The following SLC43A2 variants were observed in gnomAD, a reference collection of about 807,000 sequenced individuals.
SLC43A2 encodes solute carrier family 43 member 2.
SLC43A2 carries 38 observed loss-of-function variants against 63.2 expected under a neutral mutation model. The ratio of observed to expected loss-of-function variants is 0.60; its 90% CI spans 0.46 to 0.79. The LOEUF is 0.79. Ranked by LOEUF, SLC43A2 falls within the 30% of genes least tolerant of loss-of-function variation. The pLI, the probability that SLC43A2 is intolerant of heterozygous loss-of-function variation, is 0.00. For missense variants in SLC43A2, 644 were observed against 756.2 expected, an observed-to-expected ratio of 0.85 and a Z score of 1.74; for synonymous variants, 322 against 331.0, an observed-to-expected ratio of 0.97 and a Z score of 0.30.
chr17:1,591,237 C>A, intron 8 of SLC43A2, 32 bp downstream of exon 8: 1 of 1,596,572 alleles, frequency 6.3e-7, no homozygotes, highest in Non-Finnish European at 8.5e-7. Flanking sequence ...GCACTCCCTG[C>A]CCGTCGCCCG....
chr17:1,610,615 C>T (rs985797930), intron 5 of SLC43A2, among the ~76,000 whole-genome samples: 6 of 150,272 alleles, frequency 4.0e-5, no homozygotes, highest in Non-Finnish European at 5.9e-5. Context: ...TGGTGGCTCA[C>T]ACCTGGAATC....
chr17:1,575,141 C>A lies in SLC43A2; in HGVS notation c.*463G>T. 5.5e-6 allele frequency: 1 copy of A among 183,062 alleles called. No individual in the cohort carries two copies. Among genetic ancestry groups the A allele is most frequent in the Non-Finnish European group, 1.2e-5 (1 of 85,516 alleles). The allele number at this position is 183,062 out of a possible 1,614,324, so 11.3% of individuals were successfully genotyped here. A position where few individuals can be genotyped will look rare whatever the true frequency, so the allele number is the denominator to read the frequency against. ...CTTCCTCAGGCAGCCTCAGGCTGGC[C>A]GGGGAGGGGGTGGGGGCCAGGCGCG... is the stretch of plus-strand genomic sequence containing the variant. On this transcript the variant is annotated 3_prime_UTR_variant, in exon 14 of 14. Coordinates refer to ENST00000301335, the MANE Select transcript of SLC43A2 (RefSeq NM_152346.3).
intron 5 of SLC43A2, among the ~76,000 whole-genome samples, chr17:1,609,284 C>T (rs932735037): frequency 1.3e-5 from 2 of 152,172 alleles, no homozygotes; most frequent in Non-Finnish European, 2.9e-5. Context: ...TCGCTGCAAC[C>T]TCTGCCTCCC....
At chr17:1,576,995 GC>G (rs1029423811) in intron 12 of SLC43A2, among the ~76,000 whole-genome samples, 3 of 151,956 alleles carry the variant, frequency 2.0e-5, no homozygotes, top group Admixed American at 1.3e-4. Context: ...CTCCCTAGTA[GC>G]TGGGATTACA....
Position 1,593,095 on chromosome 17 carries a change from G to A in SLC43A2, c.594+92C>T, listed in dbSNP as rs556382339. The A allele has an allele frequency of 1.3e-4, 163 of 1,259,950 alleles. 3 individuals carry two copies. The South Asian group carries it at 1.4e-3, about 11-fold the overall frequency. The allele number at this position is 1,259,950 out of a possible 1,614,324, so 78.0% of individuals were successfully genotyped here. On this transcript the variant is annotated intron_variant, in intron 6 of 13. Coordinates refer to ENST00000301335, the MANE Select transcript of SLC43A2 (RefSeq NM_152346.3). This position sits in a 1 kb window ranked among gnomAD's most constrained non-coding sequence, Gnocchi z 5.3. ...GGGGGTGGTGGAGAGGGGCCACCCC[G>A]GGTGCCCACAATTGCCTCCCTCTTC...
intron 6 of SLC43A2, among the ~76,000 whole-genome samples, chr17:1,592,325 G>A (rs1451940070): frequency 1.3e-5 from 2 of 152,322 alleles, no homozygotes; most frequent in East Asian, 1.9e-4. Context: ...TCCTTGGGAG[G>A]CTGAGGCAGG....
At position 1,602,111 on chromosome 17, in the gene SLC43A2, G is replaced by A. The variant is rs144060045; in HGVS notation, c.502-8832C>T. On this transcript the variant is annotated intron_variant, in intron 5 of 13. Transcript: ENST00000301335. The stretch of plus-strand genomic sequence containing the variant: ...GTGTGCGCCGCCCTCCTGAAGGTGC[G>A]TGTGGGTCGACAAGGGTGCACAAGC... Among the ~76,000 whole-genome samples the A allele has an allele frequency of 3.4e-4, 52 of 152,286 alleles. 1 individual carries two copies. Among genetic ancestry groups the A allele is most frequent in the African/African-American group, 9.2e-4 (38 of 41,524 alleles).
At chr17:1,598,119 C>CAAAGAAAG (rs56678559) in intron 5 of SLC43A2, among the ~76,000 whole-genome samples, 3 of 151,174 alleles carry the variant, frequency 2.0e-5, no homozygotes, top group Non-Finnish European at 4.4e-5. Context: ...ACAGCCGGCG[C>CAAAGAAAG]AAAGAAAGAA....
At chr17:1,614,825 A>G (rs1324809506) in intron 4 of SLC43A2, among the ~76,000 whole-genome samples, 154 bp downstream of exon 4, 1 of 151,960 alleles carries the variant, frequency 6.6e-6, no homozygotes, top group Non-Finnish European at 1.5e-5. Flanking sequence ...TCTATTTGAG[A>G]TAAGTAACTG....
Position 1,576,604 on chromosome 17 carries a change from G to A in SLC43A2, c.1541C>T (p.Pro514Leu). ...TCCCCCGACCCCTCTTACCCACAGA[G>A]GGTCTCCCTGGAGAGGACCCATCAT... ...LAMMGPLQGD[P>L]LWVNVGLLLL... The change falls in exon 13 of 14, where the codon CCT becomes CTT. Residue 514 changes from proline (P) to leucine (L), a missense_variant. Physicochemically the swap from Pro to Leu is moderately conservative, Grantham distance 98 (BLOSUM62 -3). Coordinates refer to ENST00000301335, the MANE Select transcript of SLC43A2 (RefSeq NM_152346.3). The A allele has an allele frequency of 6.2e-7, 1 of 1,606,184 alleles. No individual in the cohort carries two copies. The highest frequency in any genetic ancestry group is 8.5e-7 in the Non-Finnish European group (1 of 1,179,272).
At chr17:1,588,529 G>GAA (rs754151073) in intron 9 of SLC43A2, among the ~76,000 whole-genome samples, 1 of 131,748 alleles carries the variant, frequency 7.6e-6, no homozygotes. Context: ...TGTCTTTATG[G>GAA]AAAAAAAAAA....
intron 5 of SLC43A2, among the ~76,000 whole-genome samples, chr17:1,598,182 G>A (rs1326298336): frequency 6.6e-6 from 1 of 152,220 alleles, no homozygotes; most frequent in African/African-American, 2.4e-5. Flanking sequence ...CAACGCTTTG[G>A]GAGGCCGAGG....
In SLC43A2 at chr17:1,575,496, C is replaced by T. The variant is rs2075909906; in HGVS notation, c.*108G>A. On this transcript the variant is annotated 3_prime_UTR_variant, in exon 14 of 14. Coordinates refer to ENST00000301335, the MANE Select transcript of SLC43A2 (RefSeq NM_152346.3). ...CCCCGGGAGGGAGCGTGAACGCTGGCACGGAGACGGCGAAGGTCCTGGGGG... is the reference window on the plus strand; with the variant it reads ...CCCCGGGAGGGAGCGTGAACGCTGGTACGGAGACGGCGAAGGTCCTGGGGG... The T allele has an allele frequency of 6.9e-7, 1 of 1,442,998 alleles. No individual in the cohort carries two copies. Among genetic ancestry groups the T allele is most frequent in the South Asian group, 1.2e-5 (1 of 84,962 alleles). 89.4% of individuals were successfully genotyped at this position (1,442,998 alleles called of 1,614,324 possible).
chr17:1,575,832 C>A (rs950518864), intron 13 of SLC43A2, 67 bp from the exon 14 acceptor site: 27 of 1,509,786 alleles, frequency 1.8e-5, no homozygotes, highest in Non-Finnish European at 2.4e-5. Context: ...ACCCGCCCTC[C>A]ACTCGGGTTT....
chr17:1,584,069 C>A (rs1025472781), intron 10 of SLC43A2, among the ~76,000 whole-genome samples: 2 of 151,550 alleles, frequency 1.3e-5, no homozygotes, highest in African/African-American at 4.8e-5. Context: ...CTAATTTTTG[C>A]GTTTTTGTAG....
chr17:1,608,134 A>G (rs747742489), intron 5 of SLC43A2, among the ~76,000 whole-genome samples: 2 of 152,228 alleles, frequency 1.3e-5, no homozygotes, highest in African/African-American at 4.8e-5. Flanking sequence ...GCTCTACCCC[A>G]TGAAGTTTTG....
chr17:1,597,547 C>T (rs1460593082), intron 5 of SLC43A2, among the ~76,000 whole-genome samples: 2 of 148,286 alleles, frequency 1.3e-5, no homozygotes, highest in African/African-American at 5.0e-5. Context: ...CGCCTGTAAT[C>T]CCAGCACTTT....
At chr17:1,595,568 C>T (rs1905221270) in intron 5 of SLC43A2, among the ~76,000 whole-genome samples, 1 of 152,062 alleles carries the variant, frequency 6.6e-6, no homozygotes, top group Non-Finnish European at 1.5e-5. Flanking sequence ...GCCTCAGCGT[C>T]CTGTGTGGCT....
At chr17:1,619,806 CAGAGAGGATGGATGG>C (rs1907989743) in intron 2 of SLC43A2, among the ~76,000 whole-genome samples, 1 of 152,208 alleles carries the variant, frequency 6.6e-6, no homozygotes, top group South Asian at 2.1e-4. Context: ...ACAGAGGTGA[CAGAGAGGATGGATGG>C]AGAGAGCACG....
Sources: allele counts gnomAD v4.1 joint callset (sites outside exome capture counted in the v4.1 genomes callset), GRCh38; gene constraint gnomAD v4.1.1; non-coding constraint Gnocchi (gnomAD v3.1); transcripts MANE v1.5; gene names NCBI Gene and HGNC (gene_info 2026-07-23, HGNC 2026-07-21).